NPY2R: variants seen among roughly 807,000 people sequenced by gnomAD.
The protein encoded by NPY2R is neuropeptide Y receptor type 2.
In NPY2R, 17 loss-of-function variants were observed where a neutral mutation model predicts 22.3. The observed-to-expected ratio is 0.76, with a 90% CI of 0.52 to 1.14. The LOEUF (loss-of-function observed/expected upper bound fraction) is 1.14, where lower values mean the gene tolerates loss of function less well. NPY2R is among the 50% of genes most tolerant of loss of function. The probability of loss-of-function intolerance (pLI) is 0.00; values close to 1 mark genes in which losing one functional copy is unlikely to be tolerated. For synonymous variants in NPY2R, 209 were observed against 183.4 expected (o/e 1.14, Z -1.13); for missense variants, 424 against 467.9 (o/e 0.91, Z 0.87).
chr4:155,177,398 C>G, the NPY2R span, among the ~76,000 whole-genome samples: 5 of 152,110 alleles, frequency 3.3e-5, no homozygotes, highest in African/African-American at 1.2e-4. Context: ...CGAGTAAGTC[C>G]CCAACTCAAC....
At chr4:155,180,395 C>A in the NPY2R span, among the ~76,000 whole-genome samples, 10 of 152,186 alleles carry the variant, frequency 6.6e-5, no homozygotes, top group Admixed American at 2.0e-4. Context: ...TGCTTGAATG[C>A]AGTTCATTAC....
At chr4:155,197,340 C>A in the NPY2R span, among the ~76,000 whole-genome samples, 1 of 151,908 alleles carries the variant, frequency 6.6e-6, no homozygotes, top group Non-Finnish European at 1.5e-5. Context: ...CCTAAGGTCA[C>A]AAATGGGAGT....
the NPY2R span, among the ~76,000 whole-genome samples, chr4:155,182,727 C>T: frequency 1.3e-5 from 2 of 152,100 alleles, no homozygotes; most frequent in African/African-American, 4.8e-5. Context: ...GAGTGACCAT[C>T]TGAACATGGG....
the NPY2R span, among the ~76,000 whole-genome samples, chr4:155,176,269 G>A: frequency 1.3e-5 from 2 of 152,128 alleles, no homozygotes; most frequent in Non-Finnish European, 2.9e-5. Context: ...GCGACTGGAA[G>A]TCTTTGCAGT....
chr4:155,183,733 T>C, the NPY2R span, among the ~76,000 whole-genome samples: 1 of 152,158 alleles, frequency 6.6e-6, no homozygotes, highest in Non-Finnish European at 1.5e-5. Context: ...ATTGAAAGCA[T>C]CCAGCAATTA....
Position 155,216,609 on chromosome 4 carries a change from T to C in NPY2R, c.*1524T>C, listed in dbSNP as rs747360727. ...TTTGTGGATATATTTAAAATTCATA[T>C]TATAGCTCCTATTAAATTCCTTCCA... On this transcript the variant is annotated 3_prime_UTR_variant, in exon 2 of 2. Coordinates refer to ENST00000329476, the MANE Select transcript of NPY2R (RefSeq NM_000910.4). The C allele has an allele frequency of 1.2e-5, 2 of 166,948 alleles. No individual in the cohort carries two copies. Among genetic ancestry groups the C allele is most frequent in the Non-Finnish European group, 2.9e-5 (2 of 68,066 alleles). The allele number at this position is 166,948 out of a possible 1,614,324, so 10.3% of individuals were successfully genotyped here.
the NPY2R span, among the ~76,000 whole-genome samples, chr4:155,194,125 AAGC>A: frequency 6.7e-6 from 1 of 150,150 alleles, no homozygotes; most frequent in Non-Finnish European, 1.5e-5. Context: ...TATCTCGACA[AAGC>A]TAGAAAAATG....
the NPY2R span, among the ~76,000 whole-genome samples, chr4:155,195,242 G>GTC: frequency 6.6e-6 from 1 of 151,698 alleles, no homozygotes. Context: ...CTCTCTCTCT[G>GTC]TCTCTCTCTC....
chr4:155,209,521 AC>A (rs1317789026), intron 1 of NPY2R, among the ~76,000 whole-genome samples: 1 of 151,984 alleles, frequency 6.6e-6, no homozygotes, highest in Non-Finnish European at 1.5e-5. Context: ...AAGCTTTGAG[AC>A]TTTTTGCAAT....
At chr4:155,213,657 G>A (rs998721041) in intron 1 of NPY2R, among the ~76,000 whole-genome samples, 3 of 152,114 alleles carry the variant, frequency 2.0e-5, no homozygotes, top group African/African-American at 4.8e-5. Flanking sequence ...TACCGTCATA[G>A]CATATATTTC....
rs894863524 is a variant in NPY2R, at chr4:155,216,395, C to G, written c.*1310C>G. The G allele has an allele frequency of 3.6e-5, 6 of 166,368 alleles. No individual in the cohort carries two copies. The highest frequency in any genetic ancestry group is 1.2e-4 in the African/African-American group (5 of 41,334). The allele number at this position is 166,368 out of a possible 1,614,324, so 10.3% of individuals were successfully genotyped here. On this transcript the variant is annotated 3_prime_UTR_variant, in exon 2 of 2. Transcript: ENST00000329476. The stretch of plus-strand genomic sequence containing the variant: ...TACCCAACCAAAGATGCTTAAAAAC[C>G]TTCTATGTTCATAAAAAATAACAAC...
rs372596575 is a variant in NPY2R, at chr4:155,214,470, C to T, written c.531C>T (p.Ala177=). The change falls in exon 2 of 2, where the codon GCC becomes GCT. Residue 177 remains alanine, a synonymous_variant. Transcript: ENST00000329476. ...TTGGCTTGGCCTGGGGCATCAGTGCCCTGCTGGCAAGTCCCCTGGCCATCT... is the reference window on the plus strand; with the variant it reads ...TTGGCTTGGCCTGGGGCATCAGTGCTCTGCTGGCAAGTCCCCTGGCCATCT... ...LIIGLAWGIS[A]LLASPLAIFR... 2.4e-5 allele frequency: 39 copies of T among 1,613,982 alleles called. No homozygotes were observed. The highest frequency in any genetic ancestry group is 3.2e-5 in the Non-Finnish European group (38 of 1,180,026).
upstream of NPY2R, chr4:155,206,538 C>T (rs752595436): frequency 6.6e-6 from 1 of 152,156 alleles, no homozygotes; most frequent in Non-Finnish European, 1.5e-5. Context: ...GTTTCTCATC[C>T]AATTCTGAAC....
chr4:155,192,852 T>C, the NPY2R span, among the ~76,000 whole-genome samples: 1 of 151,912 alleles, frequency 6.6e-6, no homozygotes, highest in African/African-American at 2.4e-5. Context: ...GAAGGAATCA[T>C]TTCTGTGTAG....
chr4:155,177,184 C>T, the NPY2R span, among the ~76,000 whole-genome samples: 3 of 152,160 alleles, frequency 2.0e-5, no homozygotes, highest in Admixed American at 1.3e-4. Context: ...GTGTAAAGTC[C>T]GTGTTCTCAC....
At chr4:155,200,620 T>A in the NPY2R span, among the ~76,000 whole-genome samples, 1 of 152,056 alleles carries the variant, frequency 6.6e-6, no homozygotes, top group Non-Finnish European at 1.5e-5. Flanking sequence ...CCATGAATGA[T>A]AGACTAGATA....
chr4:155,210,735 C>A (rs1316062102), intron 1 of NPY2R, among the ~76,000 whole-genome samples: 1 of 152,112 alleles, frequency 6.6e-6, no homozygotes, highest in Non-Finnish European at 1.5e-5. Flanking sequence ...ATCAGTACGG[C>A]AAACACCTGA....
At chr4:155,178,772 T>G in the NPY2R span, among the ~76,000 whole-genome samples, 1 of 152,222 alleles carries the variant, frequency 6.6e-6, no homozygotes, top group Non-Finnish European at 1.5e-5. Context: ...CTAAAATTAC[T>G]TGTTCTGAAG....
At chr4:155,178,237 G>T in the NPY2R span, among the ~76,000 whole-genome samples, 3 of 152,106 alleles carry the variant, frequency 2.0e-5, no homozygotes, top group Admixed American at 6.6e-5. Context: ...TGAATGTCAG[G>T]GGAAGATGAA....
Sources: gnomAD v4.1 joint callset for allele counts (sites outside exome capture counted in the v4.1 genomes callset) on GRCh38, gnomAD v4.1.1 for gene constraint, MANE v1.5 for transcripts, NCBI Gene and HGNC (gene_info 2026-07-23, HGNC 2026-07-21) for gene names.